Variants in DMD observed in about 807,000 individuals in gnomAD.
The protein encoded by DMD is mutant dystrophin.
DMD carries 63 observed loss-of-function variants against 330.1 expected under a neutral mutation model. The observed-to-expected ratio is 0.19, with a 90% confidence interval of 0.16 to 0.24. The LOEUF (loss-of-function observed/expected upper bound fraction) is 0.24, where lower values mean the gene tolerates loss of function less well. Ranked by LOEUF, DMD falls within the 10% of genes least tolerant of loss-of-function variation. The pLI, the probability that DMD is intolerant of heterozygous loss-of-function variation, is 1.00. For missense variants in DMD, 3,344 were observed against 2,684.1 expected (o/e 1.25, Z -5.43); for synonymous variants, 1,223 against 959.8 (o/e 1.27, Z -5.07).
chrX:31,538,708 C>G (rs776413632), intron 55 of DMD, among the ~76,000 whole-genome samples: 10 of 111,174 alleles, frequency 9.0e-5, no homozygotes, highest in African/African-American at 3.3e-4. Context: ...TTACATTTTT[C>G]CTTCATGGAG....
At chrX:31,319,671 G>A (rs942671661) in intron 62 of DMD, among the ~76,000 whole-genome samples, 4 of 112,426 alleles carry the variant, frequency 3.6e-5, no homozygotes, top group East Asian at 2.8e-4. Context: ...ACAGAGTTCC[G>A]GGCTAGTTGC....
At chrX:32,388,108 C>T (rs1042379873) in intron 32 of DMD, among the ~76,000 whole-genome samples, 2 of 111,233 alleles carry the variant, frequency 1.8e-5, no homozygotes, top group South Asian at 7.4e-4. Context: ...TCAATTGGTC[C>T]TGACATTTAA....
chrX:31,843,004 C>T (rs1368184994), intron 48 of DMD, among the ~76,000 whole-genome samples: 6 of 111,689 alleles, frequency 5.4e-5, no homozygotes, highest in African/African-American at 9.8e-5. Flanking sequence ...AATTCATTTA[C>T]GATAATGGCC....
chrX:32,596,612 C>G lies in DMD; in HGVS notation c.1483-736G>C, dbSNP rs548352884. On this transcript the variant is annotated intron_variant, in intron 12 of 78. Coordinates refer to ENST00000357033, the MANE Select transcript of DMD (RefSeq NM_004006.3). ...CAGGGTGGAATGCCAATGGCATGAT[C>G]TCGGCTCACTGCAAACTCCACCTAC... 8.3e-4 allele frequency among the ~76,000 whole-genome samples: 92 copies of G among 110,266 alleles called. No individual in the cohort carries two copies. In the South Asian group the frequency reaches 0.033, roughly 40 times the overall value.
intron 17 of DMD, among the ~76,000 whole-genome samples, chrX:32,519,667 G>A (rs1447977446): frequency 1.8e-5 from 2 of 111,420 alleles, no homozygotes; most frequent in African/African-American, 6.5e-5. Flanking sequence ...AAACTTCTAG[G>A]AATTTTTTCA....
chrX:32,528,947 A>T (rs2148868028), intron 17 of DMD, among the ~76,000 whole-genome samples: 1 of 88,723 alleles, frequency 1.1e-5, no homozygotes, highest in African/African-American at 4.3e-5. Context: ...TTTCAGACGG[A>T]GTCTCGCTCT....
chrX:32,402,312 T>C (rs1286225380), intron 30 of DMD, among the ~76,000 whole-genome samples: 1 of 111,618 alleles, frequency 9.0e-6, no homozygotes, highest in Non-Finnish European at 1.9e-5. Context: ...ATATTCTCTA[T>C]TCAATAGGGT....
At chrX:32,891,456 A>C (rs1327144566) in intron 2 of DMD, among the ~76,000 whole-genome samples, 2 of 112,593 alleles carry the variant, frequency 1.8e-5, no homozygotes, top group African/African-American at 6.5e-5. Flanking sequence ...GATCTAAATT[A>C]AATTTTCTAG....
chrX:31,721,710 CTCTCTCTCTA>C (rs1246879912), intron 52 of DMD, among the ~76,000 whole-genome samples: 212 of 54,633 alleles, frequency 3.9e-3, no homozygotes, highest in African/African-American at 0.015. Flanking sequence ...CTCTCTCTCT[CTCTCTCTCTA>C]TATATATATA....
chrX:33,293,505 CAAGG>C (rs1021126315), intron 1 of DMD, among the ~76,000 whole-genome samples: 8 of 111,519 alleles, frequency 7.2e-5, no homozygotes, highest in African/African-American at 2.6e-4. Context: ...TGAGAAATAA[CAAGG>C]AAGATAGGGG....
chrX:32,468,103 T>C (rs1431461812), intron 23 of DMD, among the ~76,000 whole-genome samples: 1 of 110,386 alleles, frequency 9.1e-6, no homozygotes. Context: ...CTATACATTA[T>C]ATATATAAAA....
intron 55 of DMD, among the ~76,000 whole-genome samples, chrX:31,613,999 ATAAGAACACTTG>A (rs1422161231): frequency 8.9e-6 from 1 of 112,364 alleles, no homozygotes; most frequent in Admixed American, 9.4e-5. Flanking sequence ...TTGCATCCAA[ATAAGAACACTTG>A]TTTTCCACTC....
chrX:31,981,468 G>T (rs1011781723), intron 44 of DMD, among the ~76,000 whole-genome samples: 2 of 111,420 alleles, frequency 1.8e-5, no homozygotes, highest in African/African-American at 6.5e-5. Flanking sequence ...AGAACTGAGG[G>T]CAAATATTAG....
At chrX:31,620,811 T>C (rs979273172) in intron 55 of DMD, among the ~76,000 whole-genome samples, 2 of 111,834 alleles carry the variant, frequency 1.8e-5, no homozygotes, top group African/African-American at 6.5e-5. Context: ...TTGAATAACA[T>C]GGACAATAGT....
At chrX:32,294,606 T>A (rs759835698) in intron 42 of DMD, among the ~76,000 whole-genome samples, 8 of 111,406 alleles carry the variant, frequency 7.2e-5, no homozygotes, top group African/African-American at 2.3e-4. Context: ...AAACTTTCTA[T>A]CTTAAAGGAG....
At chrX:32,184,446 G>GA (rs2096938306) in intron 44 of DMD, among the ~76,000 whole-genome samples, 1 of 111,270 alleles carries the variant, frequency 9.0e-6, no homozygotes, top group African/African-American at 3.3e-5. Context: ...TGTAAATGAT[G>GA]AAAAATCTTA....
intron 39 of DMD, among the ~76,000 whole-genome samples, chrX:32,345,033 T>C (rs766108277): frequency 9.0e-6 from 1 of 111,264 alleles, no homozygotes; most frequent in South Asian, 3.8e-4. Context: ...GTTTATTTGG[T>C]TGACTATAGG....
In DMD at chrX:31,147,159, C is replaced by T. The variant is rs1412364033; in HGVS notation, c.10797+116G>A. ...CTTTGATACTATCACTTTGCAGGCACATACCAAGCACTTAAGAATTGATGC... is the reference window on the plus strand; with the variant it reads ...CTTTGATACTATCACTTTGCAGGCATATACCAAGCACTTAAGAATTGATGC... On this transcript the variant is annotated intron_variant, in intron 75 of 78. Transcript: ENST00000357033. 5.5e-5 allele frequency: 54 copies of T among 987,859 alleles called. No individual in the cohort carries two copies. The East Asian group carries it at 1.5e-3, about 27-fold the overall frequency. The allele number at this position is 987,859 out of a possible 1,213,427, so 81.4% of individuals were successfully genotyped here.
intron 29 of DMD, among the ~76,000 whole-genome samples, chrX:32,419,891 G>T (rs1330678804): frequency 1.8e-5 from 2 of 111,646 alleles, no homozygotes; most frequent in Non-Finnish European, 3.8e-5. Context: ...AGCATTGATA[G>T]AATGGTCAAT....
Sources: allele counts gnomAD v4.1 joint callset (sites outside exome capture counted in the v4.1 genomes callset), GRCh38; gene constraint gnomAD v4.1.1; transcripts MANE v1.5; gene names NCBI Gene and HGNC (gene_info 2026-07-23, HGNC 2026-07-21).